Variants in ABHD18 observed in about 807,000 individuals in gnomAD.
The protein encoded by ABHD18 is abhydrolase domain containing 18.
In ABHD18, 55 loss-of-function variants were observed where a neutral mutation model predicts 65.9. The ratio of observed to expected loss-of-function variants is 0.84; its 90% CI spans 0.67 to 1.05. ABHD18 has a LOEUF of 1.05. ABHD18 is among the 50% of genes least tolerant of loss of function. The pLI is 0.00. For synonymous variants in ABHD18, 181 were observed against 180.2 expected (o/e 1.00, Z -0.04); for missense variants, 533 against 558.5 (o/e 0.95, Z 0.46).
rs1754136696 is a variant in ABHD18 at position 128,009,192 on chromosome 4, A to G, written c.442+1A>G. ...TCTTTATTGTTAGAAAACCCTTATT[A>G]TATCCTTTTGTGATATCTAAGAAAT... On this transcript the variant is annotated splice_donor_variant, in intron 6 of 12. Transcript: ENST00000645843. LOFTEE classifies it high-confidence loss of function. 1 of 1,467,594 alleles carries G rather than the reference A, an allele frequency of 6.8e-7. No individual in the cohort carries two copies. Among genetic ancestry groups the G allele is most frequent in the South Asian group, 1.5e-5 (1 of 66,634 alleles). 90.9% of individuals were successfully genotyped at this position (1,467,594 alleles called of 1,614,324 possible).
intron 12 of ABHD18, among the ~76,000 whole-genome samples, chr4:128,032,436 C>T (rs1758343837): frequency 6.6e-6 from 1 of 152,182 alleles, no homozygotes; most frequent in Non-Finnish European, 1.5e-5. Context: ...TCTGTAATCC[C>T]AGCACTTCAG....
At chr4:128,018,995 CAG>C (rs1384619296) in intron 8 of ABHD18, among the ~76,000 whole-genome samples, 2 of 130,264 alleles carry the variant, frequency 1.5e-5, no homozygotes, top group Admixed American at 1.8e-4. Context: ...GCGTGAGCAA[CAG>C]AGTGAGACTA....
chr4:128,011,119 A>T (rs1754455636), intron 6 of ABHD18, among the ~76,000 whole-genome samples: 2 of 151,882 alleles, frequency 1.3e-5, no homozygotes, highest in South Asian at 4.2e-4. Context: ...ATTAATAAGT[A>T]TACTTTATTG....
intron 10 of ABHD18, among the ~76,000 whole-genome samples, chr4:128,027,076 C>T (rs1406475582): frequency 6.6e-6 from 1 of 152,146 alleles, no homozygotes; most frequent in East Asian, 1.9e-4. Context: ...AGCCACCGTG[C>T]CTTGCCTACT....
In ABHD18 at chr4:128,039,808, C is replaced by T. The variant is rs1334337250; in HGVS notation, c.*3995C>T. The T allele has an allele frequency of 2.0e-5, 3 of 151,890 alleles. No homozygotes were observed. The highest frequency in any genetic ancestry group is 6.6e-5 in the Admixed American group (1 of 15,200). 9.4% of individuals were successfully genotyped at this position (151,890 alleles called of 1,614,324 possible). ...CAAACTTGAACTGAGTGTATATGTT[C>T]CCTCTTTGTTATTATGCCCTAAACA... On this transcript the variant is annotated 3_prime_UTR_variant, in exon 13 of 13. Transcript: ENST00000645843.
chr4:128,032,308 G>A (rs1291748762), intron 12 of ABHD18, among the ~76,000 whole-genome samples: 1 of 152,148 alleles, frequency 6.6e-6, no homozygotes, highest in Non-Finnish European at 1.5e-5. Context: ...TTCCCCATCA[G>A]TCACTTCAAA....
At chr4:127,982,869 G>A (rs1016317749) in intron 1 of ABHD18, 70 bp from the exon 2 acceptor site, 7 of 743,344 alleles carry the variant, frequency 9.4e-6, no homozygotes, top group African/African-American at 5.5e-5. Context: ...CAAAGAAATG[G>A]TTAGAAAATT....
intron 4 of ABHD18, among the ~76,000 whole-genome samples, chr4:128,004,374 C>G (rs1579309448): frequency 6.6e-6 from 1 of 151,848 alleles, no homozygotes; most frequent in South Asian, 2.1e-4. Context: ...ATTGCTTGAA[C>G]CTGGGAAGCA....
chr4:127,982,358 A>G (rs991029083), intron 1 of ABHD18, among the ~76,000 whole-genome samples: 2 of 152,202 alleles, frequency 1.3e-5, no homozygotes, highest in Non-Finnish European at 2.9e-5. Flanking sequence ...GTATAAAAGT[A>G]GTAGCAGTGA....
At chr4:127,982,657 T>G (rs1251643368) in intron 1 of ABHD18, among the ~76,000 whole-genome samples, 1 of 152,182 alleles carries the variant, frequency 6.6e-6, no homozygotes, top group African/African-American at 2.4e-5. Context: ...CCCCTACTAT[T>G]TTTATCCAGC....
At chr4:128,029,323 G>T (rs1437440296) in intron 11 of ABHD18, among the ~76,000 whole-genome samples, 1 of 152,084 alleles carries the variant, frequency 6.6e-6, no homozygotes, top group African/African-American at 2.4e-5. Flanking sequence ...TCACACCACT[G>T]CACTCCATCC....
At chr4:127,977,468 A>G (rs926921480) in intron 1 of ABHD18, among the ~76,000 whole-genome samples, 3 of 152,242 alleles carry the variant, frequency 2.0e-5, no homozygotes, top group African/African-American at 7.2e-5. Context: ...GTGAAACTCC[A>G]TCTCAAAAAA....
intron 4 of ABHD18, among the ~76,000 whole-genome samples, chr4:127,998,281 C>CTTT (rs993883974): frequency 0.014 from 1,627 of 119,840 alleles, 53 homozygotes; most frequent in South Asian, 0.056. Flanking sequence ...CAAGACGTTT[C>CTTT]TTTTTTTTTT....
At position 128,017,412 on chromosome 4, in the gene ABHD18, C is replaced by T; in HGVS notation, c.520C>T (p.Leu174Phe). The change falls in exon 8 of 13, where the codon CTT (leucine) becomes TTT (phenylalanine). Residue 174 changes from leucine (L) to phenylalanine (F), a missense_variant. Physicochemically the swap from Leu to Phe is conservative, Grantham distance 22 (BLOSUM62 0). Around this residue, in one of 3 missense-constraint regions of ABHD18, gnomAD observed 309 missense variants for 313.5 expected, o/e 0.99. Coordinates refer to ENST00000645843, the MANE Select transcript of ABHD18 (RefSeq NM_001358451.3). ...CGACCTTTTTGTGATGGGAGGAGCTCTTGTTTTAGAATCTGCAGCTCTCTT... is the reference window on the plus strand; with the variant it reads ...CGACCTTTTTGTGATGGGAGGAGCTTTTGTTTTAGAATCTGCAGCTCTCTT... ...VSDLFVMGGALVLESAALLHW... is the reference protein window; with the variant it reads ...VSDLFVMGGAFVLESAALLHW... 6.2e-7 allele frequency: 1 copy of T among 1,613,732 alleles called. No individual in the cohort carries two copies. The highest frequency in any genetic ancestry group is 8.5e-7 in the Non-Finnish European group (1 of 1,179,798).
intron 7 of ABHD18, among the ~76,000 whole-genome samples, chr4:128,014,636 A>G (rs1030364280): frequency 2.0e-5 from 3 of 152,156 alleles, no homozygotes; most frequent in African/African-American, 7.2e-5. Flanking sequence ...ATCATAAGAA[A>G]TGGCTTACTG....
intron 4 of ABHD18, among the ~76,000 whole-genome samples, chr4:127,994,325 T>A (rs534935132): frequency 2.6e-5 from 4 of 152,364 alleles, no homozygotes; most frequent in African/African-American, 9.6e-5. Flanking sequence ...CCAGGCTTGG[T>A]GGCTCATGCC....
At chr4:127,984,448 T>A (rs1246250709) in intron 3 of ABHD18, 25 bp downstream of exon 3, 8 of 1,364,492 alleles carry the variant, frequency 5.9e-6, no homozygotes, top group Non-Finnish European at 8.1e-6. Context: ...GAAACACAGT[T>A]ATAGGAATTG....
intron 4 of ABHD18, among the ~76,000 whole-genome samples, chr4:128,002,689 G>A (rs993534892): frequency 1.1e-4 from 16 of 152,112 alleles, no homozygotes; most frequent in African/African-American, 3.4e-4. Flanking sequence ...TGTCACCCAC[G>A]CTGGAGTACA....
intron 4 of ABHD18, among the ~76,000 whole-genome samples, chr4:128,008,643 G>A (rs1754045901): frequency 6.6e-6 from 1 of 151,996 alleles, no homozygotes; most frequent in South Asian, 2.1e-4. Flanking sequence ...ATTTCTTTAT[G>A]TATTTATTAA....
Sources: allele counts gnomAD v4.1 joint callset (sites outside exome capture counted in the v4.1 genomes callset), GRCh38; gene constraint gnomAD v4.1.1; regional missense constraint gnomAD v4.1.1; transcripts MANE v1.5; gene names NCBI Gene and HGNC (gene_info 2026-07-23, HGNC 2026-07-21).